MCC: variants seen among roughly 807,000 people sequenced by gnomAD.
The protein encoded by MCC is colorectal mutant cancer protein.
MCC carries 90 observed loss-of-function variants against 116.2 expected under a neutral mutation model. The observed-to-expected ratio is 0.77, with a 90% CI of 0.65 to 0.92. MCC has a LOEUF of 0.92. Ranked by LOEUF, MCC falls within the 40% of genes least tolerant of loss-of-function variation. The pLI, the probability that MCC is intolerant of heterozygous loss-of-function variation, is 0.00. For synonymous variants in MCC, 578 were observed against 510.5 expected, an observed-to-expected ratio of 1.13 and a Z score of -1.78; for missense variants, 1,516 against 1,312.2, an observed-to-expected ratio of 1.16 and a Z score of -2.40.
At chr5:113,161,920 T>C (rs578187323) in intron 3 of MCC, among the ~76,000 whole-genome samples, 1 of 152,252 alleles carries the variant, frequency 6.6e-6, no homozygotes, top group Non-Finnish European at 1.5e-5. Context: ...ATGCTCCGTT[T>C]CAGGGAAGGC....
chr5:113,454,459 G>A (rs187852599), intron 1 of MCC, among the ~76,000 whole-genome samples: 3 of 152,242 alleles, frequency 2.0e-5, no homozygotes, highest in Non-Finnish European at 4.4e-5. Context: ...GAGAGCCCAA[G>A]GCAGATGGAT....
chr5:113,180,686 G>A (rs1007090274), intron 3 of MCC, among the ~76,000 whole-genome samples: 42 of 152,208 alleles, frequency 2.8e-4, no homozygotes, highest in African/African-American at 8.7e-4. Flanking sequence ...ATACATTTAT[G>A]TATATGTTAG....
chr5:113,415,884 G>C (rs1016757011), intron 1 of MCC, among the ~76,000 whole-genome samples: 1 of 152,264 alleles, frequency 6.6e-6, no homozygotes, highest in East Asian at 1.9e-4. Context: ...TTTCTGCTCT[G>C]GTTTCTCCCC....
At chr5:113,438,906 T>C (rs1770947252) in intron 1 of MCC, among the ~76,000 whole-genome samples, 1 of 152,090 alleles carries the variant, frequency 6.6e-6, no homozygotes, top group Non-Finnish European at 1.5e-5. Flanking sequence ...CCTAAGCTTA[T>C]GGGAGAGAAA....
At chr5:113,324,708 T>C (rs1767508078) in intron 3 of MCC, among the ~76,000 whole-genome samples, 1 of 152,242 alleles carries the variant, frequency 6.6e-6, no homozygotes, top group Non-Finnish European at 1.5e-5. Flanking sequence ...TATCCAAGCC[T>C]GCAGCTGTTA....
rs1766670895 is a variant in MCC at position 113,295,128 on chromosome 5, G to T, written c.627+45391C>A. On this transcript the variant is annotated intron_variant, in intron 3 of 18. Coordinates refer to ENST00000408903, the MANE Select transcript of MCC (RefSeq NM_001085377.2). ...AATTAAGGACCCGAGTCCAGGAGGG[G>T]GAGTAGAAACAGGAAAAGCCACCTG... Among the ~76,000 whole-genome samples, 2 of 150,950 alleles carry T rather than the reference G, an allele frequency of 1.3e-5. 1 individual carries two copies. The highest frequency in any genetic ancestry group is 4.2e-4 in the South Asian group (2 of 4,766).
At chr5:113,459,670 G>T (rs1258835003) in intron 1 of MCC, among the ~76,000 whole-genome samples, 1 of 152,170 alleles carries the variant, frequency 6.6e-6, no homozygotes, top group Non-Finnish European at 1.5e-5. Context: ...CCATATTCAT[G>T]TGCCACCTCA....
intron 16 of MCC, among the ~76,000 whole-genome samples, chr5:113,047,971 T>C: frequency 6.6e-6 from 1 of 152,216 alleles, no homozygotes; most frequent in Non-Finnish European, 1.5e-5. Context: ...GGCTGATTCC[T>C]GCTTACCACC....
intron 8 of MCC, among the ~76,000 whole-genome samples, chr5:113,100,637 A>G (rs1171885340): frequency 1.3e-5 from 2 of 152,110 alleles, no homozygotes; most frequent in South Asian, 2.1e-4. Context: ...ATGTCTGGCT[A>G]ATTTTTGTAC....
At chr5:113,119,121 G>C (rs544599835) in intron 6 of MCC, among the ~76,000 whole-genome samples, 1 of 152,232 alleles carries the variant, frequency 6.6e-6, no homozygotes, top group Non-Finnish European at 1.5e-5. Context: ...TTCTTTCACT[G>C]CTGCTCAAGT....
intron 3 of MCC, among the ~76,000 whole-genome samples, chr5:113,280,592 C>T (rs1389472587): frequency 1.3e-5 from 2 of 152,080 alleles, no homozygotes; most frequent in African/African-American, 4.8e-5. Flanking sequence ...TGAGAAAGGC[C>T]TTCCAGAGAA....
chr5:113,424,001 C>T (rs1286297814), intron 1 of MCC, among the ~76,000 whole-genome samples: 1 of 152,094 alleles, frequency 6.6e-6, no homozygotes, highest in African/African-American at 2.4e-5. Flanking sequence ...TGAAGGACAT[C>T]CCTCTGGGGA....
intron 3 of MCC, among the ~76,000 whole-genome samples, chr5:113,201,387 C>CA (rs68052804): frequency 0.47 from 60,157 of 127,890 alleles, 16,903 homozygotes; most frequent in East Asian, 0.66. Flanking sequence ...ACGCCATCTC[C>CA]AAAAAAAAAA....
At chr5:113,474,266 T>G (rs1218613658) in intron 1 of MCC, among the ~76,000 whole-genome samples, 4 of 152,140 alleles carry the variant, frequency 2.6e-5, no homozygotes, top group Non-Finnish European at 4.4e-5. Flanking sequence ...GTGTGAGCAG[T>G]GCTGGTGTAG....
intron 1 of MCC, among the ~76,000 whole-genome samples, chr5:113,417,284 T>G (rs1770178743): frequency 6.6e-6 from 1 of 152,220 alleles, no homozygotes; most frequent in African/African-American, 2.4e-5. Context: ...TGCTTTTTTA[T>G]GCTCCTGCCT....
At chr5:113,236,001 C>A (rs1764114737) in intron 3 of MCC, among the ~76,000 whole-genome samples, 1 of 152,180 alleles carries the variant, frequency 6.6e-6, no homozygotes, top group Non-Finnish European at 1.5e-5. Flanking sequence ...GCTACCATTT[C>A]CTTGGTCTTC....
intron 3 of MCC, among the ~76,000 whole-genome samples, chr5:113,222,771 A>G (rs527634284): frequency 6.6e-6 from 1 of 152,320 alleles, no homozygotes; most frequent in South Asian, 2.1e-4. Context: ...TGGGAATGCA[A>G]AAGTGACCAA....
chr5:113,067,437 C>T (rs943370309), intron 13 of MCC, among the ~76,000 whole-genome samples: 4 of 152,188 alleles, frequency 2.6e-5, no homozygotes, highest in African/African-American at 9.7e-5. Context: ...GTCAGGAGTT[C>T]AAGACCAGGC....
intron 3 of MCC, among the ~76,000 whole-genome samples, chr5:113,171,859 G>T (rs900255627): frequency 6.6e-6 from 1 of 152,066 alleles, no homozygotes; most frequent in Admixed American, 6.6e-5. Context: ...ATCAGTAACT[G>T]ACCCTACTAC....
Sources: allele counts gnomAD v4.1 joint callset (sites outside exome capture counted in the v4.1 genomes callset), GRCh38; gene constraint gnomAD v4.1.1; transcripts MANE v1.5; gene names NCBI Gene and HGNC (gene_info 2026-07-23, HGNC 2026-07-21).